FAM110B: variants seen among roughly 807,000 people sequenced by gnomAD.
The protein encoded by FAM110B is protein FAM110B.
In FAM110B, 6 loss-of-function variants were observed where a neutral mutation model predicts 20.4. That is an observed-to-expected ratio of 0.29 (90% CI 0.16 to 0.58). FAM110B has a LOEUF of 0.58. Ranked by LOEUF, FAM110B falls within the 20% of genes least tolerant of loss-of-function variation. The pLI is 0.90. For missense variants in FAM110B, 434 were observed against 498.2 expected, an observed-to-expected ratio of 0.87 and a Z score of 1.23; for synonymous variants, 226 against 214.1, an observed-to-expected ratio of 1.06 and a Z score of -0.49.
At chr8:58,071,340 C>T (rs2150590560) in intron 2 of FAM110B, among the ~76,000 whole-genome samples, 1 of 152,176 alleles carries the variant, frequency 6.6e-6, no homozygotes, top group Non-Finnish European at 1.5e-5. Flanking sequence ...AATTGATGTC[C>T]TTCCCATATC....
chr8:58,107,857 G>A (rs1806960020), intron 3 of FAM110B, among the ~76,000 whole-genome samples: 1 of 152,180 alleles, frequency 6.6e-6, no homozygotes, highest in Non-Finnish European at 1.5e-5. Flanking sequence ...GTAATGAAAA[G>A]CCTTGTTTGG....
intron 1 of FAM110B, among the ~76,000 whole-genome samples, chr8:57,997,807 C>G (rs1298053388): frequency 6.6e-6 from 1 of 152,196 alleles, no homozygotes; most frequent in Non-Finnish European, 1.5e-5. Context: ...TCTCTAAGGG[C>G]TGGCTCTGGG....
At chr8:58,024,118 A>G (rs780951642) in intron 1 of FAM110B, among the ~76,000 whole-genome samples, 1 of 151,534 alleles carries the variant, frequency 6.6e-6, no homozygotes, top group Non-Finnish European at 1.5e-5. Flanking sequence ...TAGAGAATCA[A>G]TGAACAAAAG....
At chr8:58,078,169 A>G (rs72660388) in intron 3 of FAM110B, among the ~76,000 whole-genome samples, 3,186 of 152,324 alleles carry the variant, frequency 0.021, 53 homozygotes, top group Non-Finnish European at 0.031. Flanking sequence ...ACTGCTCTCA[A>G]TATGTGAGTT....
At chr8:58,038,367 C>T (rs183561607) in intron 2 of FAM110B, among the ~76,000 whole-genome samples, 2 of 152,216 alleles carry the variant, frequency 1.3e-5, no homozygotes, top group East Asian at 1.9e-4. Context: ...AATTTTAACT[C>T]CTTGATTTTC....
At chr8:58,000,114 G>C (rs934327243) in intron 1 of FAM110B, among the ~76,000 whole-genome samples, 2 of 152,178 alleles carry the variant, frequency 1.3e-5, no homozygotes, top group Non-Finnish European at 2.9e-5. Flanking sequence ...ACCTCTGCAA[G>C]GTCTCTGGGC....
chr8:58,025,491 C>T (rs959597252), intron 1 of FAM110B, among the ~76,000 whole-genome samples: 2 of 152,078 alleles, frequency 1.3e-5, no homozygotes, highest in Non-Finnish European at 2.9e-5. Context: ...TGTCTGCCAT[C>T]CTGAGAAATG....
chr8:58,123,995 C>A (rs1479166455), intron 3 of FAM110B, among the ~76,000 whole-genome samples: 1 of 152,170 alleles, frequency 6.6e-6, no homozygotes, highest in African/African-American at 2.4e-5. Flanking sequence ...GGACAAAGGT[C>A]TTGTTAATTT....
chr8:58,141,793 C>A (rs1006595039), intron 3 of FAM110B, among the ~76,000 whole-genome samples: 1 of 152,214 alleles, frequency 6.6e-6, no homozygotes, highest in Non-Finnish European at 1.5e-5. Context: ...CAATGAGCCA[C>A]ATTCCCCATG....
At chr8:58,037,376 A>G (rs1178988306) in intron 2 of FAM110B, among the ~76,000 whole-genome samples, 5 of 151,896 alleles carry the variant, frequency 3.3e-5, no homozygotes, top group Admixed American at 3.3e-4. Context: ...ATGGTGGCTT[A>G]TGAAATCCCA....
At chr8:57,996,526 A>C (rs1413929041) in intron 1 of FAM110B, among the ~76,000 whole-genome samples, 1 of 152,184 alleles carries the variant, frequency 6.6e-6, no homozygotes, top group Admixed American at 6.5e-5. Context: ...GTGAGGGTTG[A>C]TTTAATTCAT....
chr8:57,997,969 C>T (rs1300870441), intron 1 of FAM110B, among the ~76,000 whole-genome samples: 2 of 152,080 alleles, frequency 1.3e-5, no homozygotes, highest in Admixed American at 1.3e-4. Flanking sequence ...GTCTCCAGAC[C>T]CCATGAATCT....
intron 2 of FAM110B, among the ~76,000 whole-genome samples, chr8:58,057,709 G>C (rs1223754014): frequency 6.6e-6 from 1 of 152,196 alleles, no homozygotes; most frequent in East Asian, 1.9e-4. Context: ...TTACCGGTTG[G>C]TAGTCCTGAG....
At position 58,063,446 on chromosome 8, in the gene FAM110B, A is replaced by T. The variant is rs534095185; in HGVS notation, c.-413-12089A>T. ...ATATGTTTATACACACAGAGACTTT[A>T]ACAAAACTGAGTCCTCATACATCAT... On this transcript the variant is annotated intron_variant, in intron 2 of 3. Coordinates refer to ENST00000519262, the MANE Select transcript of FAM110B (RefSeq NM_001377989.1). 4.9e-5 allele frequency among the ~76,000 whole-genome samples: 7 copies of T among 143,614 alleles called. 1 individual carries two copies. Among genetic ancestry groups the T allele is most frequent in the Middle Eastern group, 3.5e-3 (1 of 284 alleles). 94.2% of individuals were successfully genotyped at this position (143,614 alleles called of 152,430 possible). A position where few individuals can be genotyped will look rare whatever the true frequency, so the allele number is the denominator to read the frequency against.
intron 1 of FAM110B, among the ~76,000 whole-genome samples, chr8:58,022,588 A>C (rs1306920925): frequency 1.3e-5 from 2 of 152,164 alleles, no homozygotes; most frequent in East Asian, 1.9e-4. Flanking sequence ...TGTCTCAATA[A>C]AATTTATATT....
chr8:58,020,114 A>C (rs1324236312), intron 1 of FAM110B, among the ~76,000 whole-genome samples: 1 of 151,904 alleles, frequency 6.6e-6, no homozygotes, highest in African/African-American at 2.4e-5. Context: ...TTGAAATATT[A>C]TATTTTAGTC....
chr8:58,091,367 A>C (rs1448625873), intron 3 of FAM110B: 1 of 152,118 alleles, frequency 6.6e-6, no homozygotes, highest in Non-Finnish European at 1.5e-5. Context: ...ACCCAAGCAC[A>C]GGCAGATTCT....
chr8:58,027,496 T>G (rs1352309542), intron 1 of FAM110B, among the ~76,000 whole-genome samples: 1 of 152,092 alleles, frequency 6.6e-6, no homozygotes, highest in Non-Finnish European at 1.5e-5. Context: ...AAGTGTATGG[T>G]TTAATGTATT....
intron 2 of FAM110B, among the ~76,000 whole-genome samples, chr8:58,035,131 G>A (rs969985804): frequency 6.6e-6 from 1 of 151,894 alleles, no homozygotes; most frequent in African/African-American, 2.4e-5. Flanking sequence ...ATATATTCTT[G>A]GATTTTTATG....
Sources: allele counts gnomAD v4.1 joint callset (sites outside exome capture counted in the v4.1 genomes callset), GRCh38; gene constraint gnomAD v4.1.1; transcripts MANE v1.5; gene names NCBI Gene and HGNC (gene_info 2026-07-23, HGNC 2026-07-21).